The following ADAM10 variants were observed in gnomAD, a reference collection of about 807,000 sequenced individuals.
The protein encoded by ADAM10 is ADAM metallopeptidase domain 10, also known as disintegrin and metalloproteinase domain-containing protein 10.
ADAM10 carries 17 observed loss-of-function variants against 90.1 expected under a neutral mutation model. The observed-to-expected ratio is 0.19, with a 90% CI of 0.13 to 0.28. ADAM10 has a LOEUF of 0.28. Ranked by LOEUF, ADAM10 falls within the 10% of genes least tolerant of loss-of-function variation. The pLI, the probability that ADAM10 is intolerant of heterozygous loss-of-function variation, is 1.00. For synonymous variants in ADAM10, 310 were observed against 298.6 expected, an observed-to-expected ratio of 1.04 and a Z score of -0.40; for missense variants, 610 against 914.3, an observed-to-expected ratio of 0.67 and a Z score of 4.29.
In ADAM10 at chr15:58,627,886, G is replaced by A; in HGVS notation, c.1177-3C>T. ...GTGCACTCTGTTCCAGAATCATGCT[G>A]TCAAAAAGAATATAAAGTTACATAA... On this transcript the variant is annotated splice_polypyrimidine_tract_variant and splice_region_variant and intron_variant, in intron 9 of 15. Transcript: ENST00000260408. 3 of 1,612,902 alleles carry A rather than the reference G, an allele frequency of 1.9e-6. No homozygotes were observed. Among genetic ancestry groups the A allele is most frequent in the Non-Finnish European group, 2.5e-6 (3 of 1,179,576 alleles).
chr15:58,599,970 A>AT (rs1164563154), intron 14 of ADAM10, among the ~76,000 whole-genome samples: 3 of 152,010 alleles, frequency 2.0e-5, no homozygotes, highest in Non-Finnish European at 4.4e-5. Context: ...GCTCAATCTG[A>AT]TTTTTTTTAG....
In ADAM10 at chr15:58,727,176, CTT is replaced by C. The variant is rs779017607; in HGVS notation, c.56-9451_56-9450del. On this transcript the variant is annotated intron_variant, in intron 1 of 15. Transcript: ENST00000260408. The stretch of plus-strand genomic sequence containing the variant: ...CACCACCATGCCATGCCTGACTAAT[CTT>C]TTTTTTTTTTTTTTTTTTTTTTTTT... 8.5e-3 allele frequency among the ~76,000 whole-genome samples: 665 copies of C among 77,972 alleles called. 14 individuals are homozygous for C. The highest frequency in any genetic ancestry group is 0.031 in the African/African-American group (577 of 18,436). 51.2% of individuals were successfully genotyped at this position (77,972 alleles called of 152,430 possible).
At chr15:58,663,177 A>G (rs187103650) in intron 5 of ADAM10, among the ~76,000 whole-genome samples, 2 of 152,380 alleles carry the variant, frequency 1.3e-5, no homozygotes, top group Admixed American at 1.3e-4. Flanking sequence ...TTAGACATTT[A>G]AAACTTCAAT....
At chr15:58,713,996 G>A (rs1321848926) in intron 2 of ADAM10, among the ~76,000 whole-genome samples, 1 of 151,852 alleles carries the variant, frequency 6.6e-6, no homozygotes, top group African/African-American at 2.4e-5. Flanking sequence ...AGTAGAGACG[G>A]GGTTACACCA....
chr15:58,708,373 T>C (rs570938003), intron 2 of ADAM10, among the ~76,000 whole-genome samples: 1 of 151,306 alleles, frequency 6.6e-6, no homozygotes, highest in South Asian at 2.1e-4. Flanking sequence ...AAAAAAAAAA[T>C]AATTGAGGCC....
At chr15:58,684,626 G>C (rs759940388) in intron 2 of ADAM10, among the ~76,000 whole-genome samples, 2 of 152,190 alleles carry the variant, frequency 1.3e-5, no homozygotes, top group African/African-American at 4.8e-5. Flanking sequence ...ACATTCCTAC[G>C]CATCTCTTCC....
chr15:58,654,700 C>A (rs1184817535), intron 5 of ADAM10, among the ~76,000 whole-genome samples: 1 of 152,160 alleles, frequency 6.6e-6, no homozygotes, highest in African/African-American at 2.4e-5. Context: ...TTTCCATTAT[C>A]GTTTGTTTCA....
At chr15:58,600,366 A>T (rs912110826) in intron 14 of ADAM10, among the ~76,000 whole-genome samples, 1 of 152,240 alleles carries the variant, frequency 6.6e-6, no homozygotes, top group Non-Finnish European at 1.5e-5. Context: ...TTGCTTTCTA[A>T]TTATCAAAGT....
rs1197057964 is a variant in ADAM10, at chr15:58,592,602, A to C, written c.*4945T>G. ...GTTCCCTTGAAGAAAAATGGTACTT[A>C]AGAGACCACAATTAGGGCACTCAAT... On this transcript the variant is annotated 3_prime_UTR_variant, in exon 16 of 16. Coordinates refer to ENST00000260408, the MANE Select transcript of ADAM10 (RefSeq NM_001110.4). 1.3e-5 allele frequency: 2 copies of C among 152,148 alleles called. No homozygotes were observed. The highest frequency in any genetic ancestry group is 4.8e-5 in the African/African-American group (2 of 41,426). The allele number at this position is 152,148 out of a possible 1,614,324, so 9.4% of individuals were successfully genotyped here. A position where few individuals can be genotyped will look rare whatever the true frequency, so the allele number is the denominator to read the frequency against.
intron 1 of ADAM10, among the ~76,000 whole-genome samples, chr15:58,725,786 A>G (rs2140829453): frequency 6.6e-6 from 1 of 152,270 alleles, no homozygotes; most frequent in South Asian, 2.1e-4. Flanking sequence ...CAAGAAAAAA[A>G]GAACTCTATC....
intron 2 of ADAM10, among the ~76,000 whole-genome samples, chr15:58,696,961 C>G (rs1169103740): frequency 1.3e-5 from 2 of 152,126 alleles, no homozygotes; most frequent in African/African-American, 4.8e-5. Flanking sequence ...TCTCCATATC[C>G]CTGGAGTCCA....
chr15:58,659,841 G>T (rs940493858), intron 5 of ADAM10, among the ~76,000 whole-genome samples: 23 of 152,014 alleles, frequency 1.5e-4, no homozygotes, highest in African/African-American at 5.6e-4. Context: ...CCATTCTCCC[G>T]CCTCAGCCTC....
At chr15:58,719,033 C>A (rs1324329749) in intron 1 of ADAM10, among the ~76,000 whole-genome samples, 1 of 152,200 alleles carries the variant, frequency 6.6e-6, no homozygotes, top group Non-Finnish European at 1.5e-5. Flanking sequence ...GCCTTAAAAA[C>A]CATTGTTTCG....
intron 2 of ADAM10, among the ~76,000 whole-genome samples, chr15:58,712,950 A>C (rs1356841299): frequency 6.6e-6 from 1 of 152,158 alleles, no homozygotes; most frequent in Non-Finnish European, 1.5e-5. Flanking sequence ...AGAGAAAACA[A>C]ATTTCGAACA....
chr15:58,700,332 A>G (rs1898097267), intron 2 of ADAM10, among the ~76,000 whole-genome samples: 1 of 152,230 alleles, frequency 6.6e-6, no homozygotes, highest in Non-Finnish European at 1.5e-5. Flanking sequence ...GATAGACCAT[A>G]TGTTAGGAAA....
intron 1 of ADAM10, among the ~76,000 whole-genome samples, chr15:58,720,405 T>TTTTA (rs1491534296): frequency 1.7e-3 from 23 of 13,296 alleles, no homozygotes; most frequent in Non-Finnish European, 3.0e-3. Context: ...TTTTATTTTA[T>TTTTA]TTTTTTTTTT....
chr15:58,589,064 G>A lies in ADAM10; in HGVS notation c.*8483C>T, dbSNP rs1894772871. The A allele has an allele frequency of 6.6e-6, 1 of 152,216 alleles. No individual in the cohort carries two copies. The highest frequency in any genetic ancestry group is 2.4e-5 in the African/African-American group (1 of 41,470). 9.4% of individuals were successfully genotyped at this position (152,216 alleles called of 1,614,324 possible). A position where few individuals can be genotyped will look rare whatever the true frequency, so the allele number is the denominator to read the frequency against. On this transcript the variant is annotated 3_prime_UTR_variant, in exon 16 of 16. Coordinates refer to ENST00000260408, the MANE Select transcript of ADAM10 (RefSeq NM_001110.4). ...GTTAAAAGTTAAAAATACAGCTGTT[G>A]GTAATGTGTTGTAATGAAACTAACT...
At chr15:58,717,907 C>G (rs1472218580) in intron 1 of ADAM10, among the ~76,000 whole-genome samples, 180 bp from the exon 2 acceptor site, 3 of 152,086 alleles carry the variant, frequency 2.0e-5, no homozygotes, top group Non-Finnish European at 4.4e-5. Flanking sequence ...GAGGGTAATT[C>G]CAACCGCACA....
At chr15:58,720,394 A>T (rs1312060422) in intron 1 of ADAM10, among the ~76,000 whole-genome samples, 15 of 145,790 alleles carry the variant, frequency 1.0e-4, no homozygotes, top group East Asian at 2.0e-4. Flanking sequence ...ATTTTATTTT[A>T]TTTTATTTTA....
Sources: allele counts gnomAD v4.1 joint callset (sites outside exome capture counted in the v4.1 genomes callset), GRCh38; gene constraint gnomAD v4.1.1; transcripts MANE v1.5; gene names NCBI Gene and HGNC (gene_info 2026-07-23, HGNC 2026-07-21).